KLF13: variants seen among roughly 807,000 people sequenced by gnomAD.
The protein encoded by KLF13 is KLF transcription factor 13, also known as Krueppel-like factor 13.
Under a neutral mutation model 16.7 loss-of-function variants are expected in KLF13, and 8 were observed. That is an observed-to-expected ratio of 0.48 (90% CI 0.28 to 0.87). The LOEUF (loss-of-function observed/expected upper bound fraction) is 0.87. Ranked by LOEUF, KLF13 falls within the 40% of genes least tolerant of loss-of-function variation. KLF13 has a pLI of 0.10. For missense variants in KLF13, 447 were observed against 452.2 expected (o/e 0.99, Z 0.10); for synonymous variants, 245 against 208.4 (o/e 1.18, Z -1.51).
At chr15:31,367,639 G>A (rs2039495671) in intron 1 of KLF13, among the ~76,000 whole-genome samples, 1 of 152,226 alleles carries the variant, frequency 6.6e-6, no homozygotes, top group African/African-American at 2.4e-5. Flanking sequence ...GCAAGGCTGA[G>A]TCTGAATTTG....
chr15:31,350,907 A>G (rs182505161), intron 1 of KLF13, among the ~76,000 whole-genome samples: 8 of 152,352 alleles, frequency 5.3e-5, no homozygotes, highest in Admixed American at 1.3e-4. Context: ...TAAGGAGCCT[A>G]ATGTTTAATG....
At chr15:31,328,913 G>T (rs997442477) in intron 1 of KLF13, among the ~76,000 whole-genome samples, 1 of 152,160 alleles carries the variant, frequency 6.6e-6, no homozygotes, top group Non-Finnish European at 1.5e-5. Flanking sequence ...ACTGAATACT[G>T]TTGTCTTGTG....
intron 1 of KLF13, among the ~76,000 whole-genome samples, chr15:31,411,184 A>G (rs1308776860): frequency 1.3e-5 from 2 of 152,212 alleles, no homozygotes; most frequent in Non-Finnish European, 2.9e-5. Flanking sequence ...GAAAACTACA[A>G]GCTGTTATCC....
intron 1 of KLF13, among the ~76,000 whole-genome samples, chr15:31,384,105 T>A (rs1366791761): frequency 1.3e-5 from 2 of 152,132 alleles, no homozygotes; most frequent in East Asian, 3.9e-4. Context: ...AACACTTTTC[T>A]CTATAGCTAT....
chr15:31,420,440 C>A (rs148640483), intron 1 of KLF13: 1 of 926,296 alleles, frequency 1.1e-6, no homozygotes, highest in East Asian at 3.1e-5. Context: ...CTGCTACCAC[C>A]CCAACATAGA....
In KLF13 at chr15:31,377,126, T is replaced by C. The variant is rs1179835513; in HGVS notation, c.*4827T>C. 1 of 152,408 alleles carries C rather than the reference T, an allele frequency of 6.6e-6. No homozygotes were observed. Among genetic ancestry groups the C allele is most frequent in the African/African-American group, 2.4e-5 (1 of 41,426 alleles). The allele number at this position is 152,408 out of a possible 1,614,324, so 9.4% of individuals were successfully genotyped here. A position where few individuals can be genotyped will look rare whatever the true frequency, so the allele number is the denominator to read the frequency against. On this transcript the variant is annotated 3_prime_UTR_variant, in exon 2 of 2. Transcript: ENST00000307145. ...TTGGAAACCAGGTGTGTGAGCCGAA[T>C]GCCTGCCAGGCCATGCACTCAGCAG...
chr15:31,333,927 G>A (rs1428349635), intron 1 of KLF13, among the ~76,000 whole-genome samples: 1 of 151,642 alleles, frequency 6.6e-6, no homozygotes, highest in Non-Finnish European at 1.5e-5. Context: ...TGGCACAGGT[G>A]ATACTGGGCA....
chr15:31,429,349 G>T (rs969613750), intron 1 of KLF13, among the ~76,000 whole-genome samples: 1 of 152,146 alleles, frequency 6.6e-6, no homozygotes, highest in African/African-American at 2.4e-5. Context: ...GGCAAATAAT[G>T]CCCGATTCCG....
At chr15:31,393,620 C>G (rs1382815611) in exon 2 of KLF13, 3 of 152,458 alleles carry the variant, frequency 2.0e-5, no homozygotes, top group Non-Finnish European at 4.4e-5. Context: ...GCAGCCGCTT[C>G]GGTGCTCCAA....
chr15:31,431,633 T>A (rs59348350), intron 1 of KLF13, among the ~76,000 whole-genome samples: 4,871 of 152,116 alleles, frequency 0.032, 255 homozygotes, highest in African/African-American at 0.11. Context: ...TCCGGCTAAT[T>A]TTTTGTATTT....
intron 1 of KLF13, among the ~76,000 whole-genome samples, chr15:31,342,490 A>C (rs2039043621): frequency 6.6e-6 from 1 of 152,182 alleles, no homozygotes; most frequent in East Asian, 1.9e-4. Context: ...AACTTGCCTC[A>C]CTGGATCGCT....
At chr15:31,390,573 C>T (rs182490048), upstream of KLF13, among the ~76,000 whole-genome samples, 6 of 152,324 alleles carry the variant, frequency 3.9e-5, no homozygotes, top group Admixed American at 1.3e-4. Flanking sequence ...TGTTGCTCTG[C>T]ACTTTTGTTC....
In KLF13 at chr15:31,327,743, T is replaced by C; in HGVS notation, c.531T>C (p.Val177=). 6.5e-7 allele frequency: 1 copy of C among 1,534,156 alleles called. No individual in the cohort carries two copies. The highest frequency in any genetic ancestry group is 1.2e-5 in the South Asian group (1 of 86,550). Residue 177 remains valine, a synonymous_variant, in exon 1 of 2, where the codon GTT becomes GTC. Coordinates refer to ENST00000307145, the MANE Select transcript of KLF13 (RefSeq NM_015995.4). ...HKCHYAGCEK[V]YGKSSHLKAH... ...GCCACTACGCGGGCTGCGAGAAAGT[T>C]TACGGGAAATCTTCGCACCTCAAGG...
At chr15:31,434,592 A>G (rs1194041917) in intron 1 of KLF13, among the ~76,000 whole-genome samples, 1 of 152,164 alleles carries the variant, frequency 6.6e-6, no homozygotes, top group Non-Finnish European at 1.5e-5. Context: ...GAGTTTGAGA[A>G]TGACGTGTCT....
chr15:31,425,702 C>T (rs946083702), intron 1 of KLF13, among the ~76,000 whole-genome samples: 14 of 152,142 alleles, frequency 9.2e-5, no homozygotes, highest in African/African-American at 3.4e-4. Flanking sequence ...CATGGTAAAA[C>T]CCCGTCTCTA....
At chr15:31,333,194 A>G (rs952129422) in intron 1 of KLF13, among the ~76,000 whole-genome samples, 8 of 152,196 alleles carry the variant, frequency 5.3e-5, no homozygotes, top group African/African-American at 1.4e-4. Flanking sequence ...AGTAGGCTCT[A>G]TTATTAATAC....
downstream of KLF13, among the ~76,000 whole-genome samples, chr15:31,379,772 C>T (rs1282554188): frequency 1.3e-5 from 2 of 152,218 alleles, no homozygotes; most frequent in African/African-American, 4.8e-5. Flanking sequence ...GCAGAGATGA[C>T]AGTGTCCTGG....
chr15:31,381,007 A>C (rs2039717319), downstream of KLF13, among the ~76,000 whole-genome samples: 1 of 152,026 alleles, frequency 6.6e-6, no homozygotes, highest in Non-Finnish European at 1.5e-5. Flanking sequence ...CCCCATCCCC[A>C]CTAAAAATAC....
chr15:31,412,759 A>G (rs998535218), intron 1 of KLF13, among the ~76,000 whole-genome samples: 1 of 152,186 alleles, frequency 6.6e-6, no homozygotes, highest in Non-Finnish European at 1.5e-5. Context: ...ATCTCTTCTC[A>G]TTGGAATTGA....
Sources: allele counts gnomAD v4.1 joint callset (sites outside exome capture counted in the v4.1 genomes callset), GRCh38; gene constraint gnomAD v4.1.1; transcripts MANE v1.5; gene names NCBI Gene and HGNC (gene_info 2026-07-23, HGNC 2026-07-21).